Variants in FGR observed in about 807,000 individuals in gnomAD.
The protein encoded by FGR is FGR proto-oncogene, Src family tyrosine kinase, also known as tyrosine-protein kinase Fgr.
In FGR, 26 loss-of-function variants were observed where a neutral mutation model predicts 63.2. The observed-to-expected ratio is 0.41, with a 90% CI of 0.30 to 0.57. FGR has a LOEUF of 0.57. Among genes scored for constraint, FGR ranks in the 20% least tolerant of loss-of-function variants. The pLI, the probability that FGR is intolerant of heterozygous loss-of-function variation, is 0.27. For synonymous variants in FGR, 286 were observed against 277.7 expected, an observed-to-expected ratio of 1.03 and a Z score of -0.30; for missense variants, 511 against 690.8, an observed-to-expected ratio of 0.74 and a Z score of 2.92.
At chr1:27,626,177 A>G (rs2090019174) in intron 1 of FGR, 1 of 398,554 alleles carries the variant, frequency 2.5e-6, no homozygotes, top group African/African-American at 2.1e-5. Context: ...GCAACAGGGC[A>G]GGAGGTCATT....
chr1:27,616,965 C>A lies in FGR; in HGVS notation c.574G>T (p.Gly192Cys). 1 of 1,614,194 alleles carries A rather than the reference C, an allele frequency of 6.2e-7. No individual in the cohort carries two copies. The highest frequency in any genetic ancestry group is 1.1e-5 in the South Asian group (1 of 91,084). The change falls in exon 7 of 13, where the codon GGC (glycine) becomes TGC (cysteine). Residue 192 changes from glycine to cysteine, a missense_variant. Gly to Cys is a radical substitution (Grantham distance 159). Coordinates refer to ENST00000374005, the MANE Select transcript of FGR (RefSeq NM_005248.3). The surrounding 1 kb of genome is among the most constrained non-coding windows in gnomAD (Gnocchi z 4.3). ...LSIRDWDQTR[G>C]DHVKHYKIRK... is the part of the protein sequence containing the mutation. ...ATCTTGTAATGCTTCACATGATCGC[C>A]TCTGGTCTGATCCCAGTCCCGGATG...
At position 27,615,043 on chromosome 1, in the gene FGR, C is replaced by T; in HGVS notation, c.1019-117G>A. The T allele has an allele frequency of 1.3e-6, 1 of 774,618 alleles. No individual in the cohort carries two copies. The highest frequency in any genetic ancestry group is 2.2e-6 in the Non-Finnish European group (1 of 453,560). 48.0% of individuals were successfully genotyped at this position (774,618 alleles called of 1,614,324 possible). ...CCTGGACCCGCCCCTCACTTAGGAC[C>T]CCGCGGGTGCCTCAACCCCTCACTT... is the stretch of plus-strand genomic sequence containing the variant. On this transcript the variant is annotated intron_variant, in intron 9 of 12. Coordinates refer to ENST00000374005, the MANE Select transcript of FGR (RefSeq NM_005248.3). The surrounding 1 kb of genome is among the most constrained non-coding windows in gnomAD (Gnocchi z 7.6).
intron 3 of FGR, 129 bp from the exon 4 acceptor site, chr1:27,623,273 G>A: frequency 4.5e-6 from 3 of 673,588 alleles, no homozygotes; most frequent in South Asian, 3.4e-5. Flanking sequence ...GTTCCCAAAG[G>A]CCTTTGGGGT....
rs151332408 is a variant in FGR at position 27,613,226 on chromosome 1, G to A, written c.1374C>T (p.Pro458=). ...ACCCCTGGCGAGGCAAACCTGGGTAGGGGATTCGGCCCTTGGTGATGAGCT... is the reference window on the plus strand; with the variant it reads ...ACCCCTGGCGAGGCAAACCTGGGTAAGGGATTCGGCCCTTGGTGATGAGCT... ...LTELITKGRI[P]YPGMNKREVL... is the part of the protein sequence containing the mutation. Residue 458 remains proline (P), a synonymous_variant, in exon 12 of 13, where the codon CCC becomes CCT. Coordinates refer to ENST00000374005, the MANE Select transcript of FGR (RefSeq NM_005248.3). The A allele has an allele frequency of 5.0e-6, 8 of 1,613,710 alleles. No homozygotes were observed. In the Admixed American group the frequency reaches 1.3e-4, roughly 27 times the overall value.
In FGR at chr1:27,615,996, T is replaced by A; in HGVS notation, c.683-152A>T. On this transcript the variant is annotated intron_variant, in intron 7 of 12. Coordinates refer to ENST00000374005, the MANE Select transcript of FGR (RefSeq NM_005248.3). The surrounding 1 kb of genome is among the most constrained non-coding windows in gnomAD (Gnocchi z 7.6). Reference sequence around the variant, plus strand: ...CAGGCCAGGAAGAAAGGCAACCCGATCCACTAAATAGGGGAACATGTTGGT... The same window carrying A: ...CAGGCCAGGAAGAAAGGCAACCCGAACCACTAAATAGGGGAACATGTTGGT... The A allele has an allele frequency of 1.2e-6, 1 of 824,274 alleles. No homozygotes were observed. The highest frequency in any genetic ancestry group is 2.9e-5 in the East Asian group (1 of 34,944). 51.1% of individuals were successfully genotyped at this position (824,274 alleles called of 1,614,324 possible).
chr1:27,633,343 C>A (rs2090133083), intron 1 of FGR, among the ~76,000 whole-genome samples: 1 of 152,202 alleles, frequency 6.6e-6, no homozygotes, highest in South Asian at 2.1e-4. Flanking sequence ...CCCATCATCA[C>A]CACAGTCGGA....
rs1039829695 is a variant in FGR, at chr1:27,617,351, C to T, written c.429-55G>A. The stretch of plus-strand genomic sequence containing the variant: ...ACGCTCTGCTCAAACCTCACCTCAG[C>T]CTCCTGCACAGTCACCTCACAAGCC... On this transcript the variant is annotated intron_variant, in intron 5 of 12. Coordinates refer to ENST00000374005, the MANE Select transcript of FGR (RefSeq NM_005248.3). The surrounding 1 kb of genome is among the most constrained non-coding windows in gnomAD (Gnocchi z 4.5). 7.8e-6 allele frequency: 10 copies of T among 1,278,816 alleles called. No individual in the cohort carries two copies. Among genetic ancestry groups the T allele is most frequent in the Non-Finnish European group, 1.1e-5 (10 of 878,466 alleles). The allele number at this position is 1,278,816 out of a possible 1,614,324, so 79.2% of individuals were successfully genotyped here. A position where few individuals can be genotyped will look rare whatever the true frequency, so the allele number is the denominator to read the frequency against.
At position 27,614,860 on chromosome 1, in the gene FGR, A is replaced by T; in HGVS notation, c.1085T>A (p.Met362Lys). ...TGCTGGCCCAGTTACCTGGGCTGCC[A>T]TGTCCACCAATTGGGGCAGCCTCAA... is the stretch of plus-strand genomic sequence containing the variant. Reference protein sequence around the residue: ...QDLRLPQLVDMAAQVAEGMAY... With the variant: ...QDLRLPQLVDKAAQVAEGMAY... The change falls in exon 10 of 13, where the codon ATG becomes AAG. Residue 362 changes from methionine (M) to lysine (K), a missense_variant. Transcript: ENST00000374005. 6.3e-7 allele frequency: 1 copy of T among 1,591,626 alleles called. No individual in the cohort carries two copies.
intron 2 of FGR, among the ~76,000 whole-genome samples, chr1:27,624,298 C>T (rs551020884): frequency 6.6e-6 from 1 of 152,196 alleles, no homozygotes; most frequent in Non-Finnish European, 1.5e-5. Context: ...TGCAGTGGCA[C>T]AATCATAGCT....
At chr1:27,630,407 G>A (rs1042919821) in intron 1 of FGR, among the ~76,000 whole-genome samples, 8 of 152,144 alleles carry the variant, frequency 5.3e-5, no homozygotes, top group African/African-American at 1.9e-4. Context: ...TGTATTTTAT[G>A]TGTGGCTCAA....
chr1:27,618,781 C>T (rs1221031017), intron 5 of FGR, among the ~76,000 whole-genome samples: 1 of 152,200 alleles, frequency 6.6e-6, no homozygotes, highest in East Asian at 1.9e-4. Context: ...TCTCCCTTCC[C>T]CAAAGGAAAC....
chr1:27,632,137 CTTCTTT>C (rs1182569193), intron 1 of FGR, among the ~76,000 whole-genome samples: 3 of 148,412 alleles, frequency 2.0e-5, no homozygotes, highest in East Asian at 4.2e-4. Context: ...TCTTCTTCTT[CTTCTTT>C]TTTTTTTTTT....
chr1:27,614,548 G>A lies in FGR; in HGVS notation c.1131C>T (p.Asn377=). 6.2e-7 allele frequency: 1 copy of A among 1,614,114 alleles called. No homozygotes were observed. The highest frequency in any genetic ancestry group is 8.5e-7 in the Non-Finnish European group (1 of 1,179,978). ...CTGCCCTCAGGTCGCGGTGAATGTAGTTCATGCGTTCCATGTAGGCCATGC... is the reference window on the plus strand; with the variant it reads ...CTGCCCTCAGGTCGCGGTGAATGTAATTCATGCGTTCCATGTAGGCCATGC... ...AEGMAYMERM[N]YIHRDLRAAN... is the part of the protein sequence containing the mutation. Residue 377 remains asparagine (N), a synonymous_variant, in exon 11 of 13, where the codon AAC becomes AAT. Transcript: ENST00000374005.
Position 27,617,251 on chromosome 1 carries a change from C to G in FGR, c.474G>C (p.Leu158=). ...CCCCCTGGGGGTTGCCTGGTGAAAGCAGCTGCCTCTCTGCATCCTTTCTCC... is the reference window on the plus strand; with the variant it reads ...CCCCCTGGGGGTTGCCTGGTGAAAGGAGCTGCCTCTCTGCATCCTTTCTCC... The part of the protein sequence containing the change: ...KIGRKDAERQ[L]LSPGNPQGAF... Residue 158 remains leucine (L), a synonymous_variant, in exon 6 of 13, where the codon CTG becomes CTC. Coordinates refer to ENST00000374005, the MANE Select transcript of FGR (RefSeq NM_005248.3). The surrounding 1 kb of genome is among the most constrained non-coding windows in gnomAD (Gnocchi z 4.5). The G allele has an allele frequency of 1.9e-6, 3 of 1,614,212 alleles. No homozygotes were observed. The highest frequency in any genetic ancestry group is 2.5e-6 in the Non-Finnish European group (3 of 1,180,022).
intron 1 of FGR, among the ~76,000 whole-genome samples, chr1:27,629,417 A>G (rs955820572): frequency 6.6e-6 from 1 of 152,098 alleles, no homozygotes; most frequent in Non-Finnish European, 1.5e-5. Context: ...ACAAAGAGAC[A>G]GAGGCAGAAA....
At chr1:27,621,492 G>A in intron 5 of FGR, 67 bp downstream of exon 5, 1 of 1,092,332 alleles carries the variant, frequency 9.2e-7, no homozygotes, top group Non-Finnish European at 1.4e-6. Context: ...TTGTCCAAGA[G>A]GTGGCCTTGG....
intron 1 of FGR, among the ~76,000 whole-genome samples, chr1:27,632,831 C>G: frequency 6.6e-6 from 1 of 152,132 alleles, no homozygotes; most frequent in Non-Finnish European, 1.5e-5. Flanking sequence ...CCTGGTCCCT[C>G]AGGGGAGTGG....
At chr1:27,634,722 G>A (rs1003785450) in intron 1 of FGR, among the ~76,000 whole-genome samples, 1 of 151,650 alleles carries the variant, frequency 6.6e-6, no homozygotes, top group African/African-American at 2.4e-5. Flanking sequence ...GACCGTCCTG[G>A]GGATTCCCCT....
rs1398030621 is a variant in FGR, at chr1:27,612,869, C to T, written c.*45G>A. The T allele has an allele frequency of 2.6e-6, 4 of 1,567,834 alleles. No individual in the cohort carries two copies. The South Asian group carries it at 4.6e-5, about 18-fold the overall frequency. The stretch of plus-strand genomic sequence containing the variant: ...TTGGAAGAACAGCTCTGGGGATTGG[C>T]AAGGACTGGTGGCCACCGCCAGAGA... On this transcript the variant is annotated 3_prime_UTR_variant, in exon 13 of 13. Coordinates refer to ENST00000374005, the MANE Select transcript of FGR (RefSeq NM_005248.3).
Sources: gnomAD v4.1 joint callset for allele counts (sites outside exome capture counted in the v4.1 genomes callset) on GRCh38, gnomAD v4.1.1 for gene constraint, Gnocchi (gnomAD v3.1) non-coding constraint, MANE v1.5 for transcripts, NCBI Gene and HGNC (gene_info 2026-07-23, HGNC 2026-07-21) for gene names.